Variants in KCNQ3 observed in about 807,000 individuals in gnomAD.
The protein encoded by KCNQ3 is potassium voltage-gated channel subfamily KQT member 3.
A neutral mutation model predicts 92.5 loss-of-function variants in KCNQ3; 30 were observed. The ratio of observed to expected loss-of-function variants is 0.32; its 90% CI spans 0.24 to 0.44. The LOEUF is 0.44. KCNQ3 is among the 20% of genes least tolerant of loss of function. The pLI is 1.00. For synonymous variants in KCNQ3, 450 were observed against 468.8 expected (o/e 0.96, Z 0.52); for missense variants, 913 against 1,140.3 (o/e 0.80, Z 2.87).
chr8:132,278,435 C>T (rs1393000674), intron 1 of KCNQ3, among the ~76,000 whole-genome samples: 1 of 152,334 alleles, frequency 6.6e-6, no homozygotes, highest in East Asian at 1.9e-4. Flanking sequence ...AGAGCAGCTT[C>T]CTATGGGCTA....
intron 1 of KCNQ3, among the ~76,000 whole-genome samples, chr8:132,342,323 CT>C (rs145034759): frequency 6.7e-6 from 1 of 150,060 alleles, no homozygotes; most frequent in South Asian, 2.1e-4. Flanking sequence ...TTTCTTTTTT[CT>C]TTTTTTTTAA....
chr8:132,142,998 C>T (rs1825345781), intron 9 of KCNQ3, among the ~76,000 whole-genome samples: 1 of 152,112 alleles, frequency 6.6e-6, no homozygotes, highest in Non-Finnish European at 1.5e-5. Context: ...CATTTCTTGC[C>T]TACAGTCCAG....
At chr8:132,234,644 G>A (rs888259190) in intron 1 of KCNQ3, among the ~76,000 whole-genome samples, 1 of 152,118 alleles carries the variant, frequency 6.6e-6, no homozygotes, top group African/African-American at 2.4e-5. Flanking sequence ...ACAAACACAC[G>A]AGGTAAGTAT....
intron 1 of KCNQ3, among the ~76,000 whole-genome samples, chr8:132,412,079 C>A (rs1165110343): frequency 1.3e-5 from 2 of 152,166 alleles, no homozygotes; most frequent in Non-Finnish European, 2.9e-5. Context: ...CCAGAGAGGA[C>A]TGAGAATGAA....
At chr8:132,430,706 G>A (rs546580311) in intron 1 of KCNQ3, among the ~76,000 whole-genome samples, 9 of 152,294 alleles carry the variant, frequency 5.9e-5, no homozygotes, top group South Asian at 4.1e-4. Flanking sequence ...AGTCTATTTC[G>A]GAAACAGAAA....
At chr8:132,437,098 T>A (rs1346371241) in intron 1 of KCNQ3, among the ~76,000 whole-genome samples, 1 of 151,216 alleles carries the variant, frequency 6.6e-6, no homozygotes. Context: ...GCTAACACGG[T>A]GAAACCCCGT....
At chr8:132,236,979 A>G (rs1359199547) in intron 1 of KCNQ3, among the ~76,000 whole-genome samples, 1 of 152,212 alleles carries the variant, frequency 6.6e-6, no homozygotes, top group Non-Finnish European at 1.5e-5. Flanking sequence ...AATTCTGCCA[A>G]CAACCTGAAT....
chr8:132,360,348 C>T (rs1347823667), intron 1 of KCNQ3, among the ~76,000 whole-genome samples: 1 of 152,160 alleles, frequency 6.6e-6, no homozygotes, highest in Non-Finnish European at 1.5e-5. Context: ...ATTTTGCTTC[C>T]TCGCACTTAT....
At chr8:132,260,486 A>G (rs982232384) in intron 1 of KCNQ3, among the ~76,000 whole-genome samples, 1 of 152,152 alleles carries the variant, frequency 6.6e-6, no homozygotes, top group East Asian at 1.9e-4. Context: ...AATAATAAAT[A>G]CATAGTATGC....
At chr8:132,257,095 T>A (rs1382956079) in intron 1 of KCNQ3, among the ~76,000 whole-genome samples, 1 of 152,196 alleles carries the variant, frequency 6.6e-6, no homozygotes, top group Admixed American at 6.5e-5. Context: ...ATGATAATGG[T>A]AGCACAAAGA....
chr8:132,281,004 A>G (rs1816496088), intron 1 of KCNQ3, among the ~76,000 whole-genome samples: 1 of 152,152 alleles, frequency 6.6e-6, no homozygotes, highest in African/African-American at 2.4e-5. Flanking sequence ...GAACAAAGCA[A>G]TCATCAGGGT....
At chr8:132,258,601 G>GA (rs559641248) in intron 1 of KCNQ3, among the ~76,000 whole-genome samples, 26 of 151,186 alleles carry the variant, frequency 1.7e-4, no homozygotes, top group African/African-American at 4.6e-4. Flanking sequence ...TAAGAAACTG[G>GA]AAAAAAAATA....
intron 1 of KCNQ3, among the ~76,000 whole-genome samples, chr8:132,421,386 G>T (rs1297975825): frequency 1.3e-5 from 2 of 152,160 alleles, no homozygotes; most frequent in African/African-American, 2.4e-5. Context: ...AATGGGAAAG[G>T]CTCCCTCATA....
chr8:132,333,630 G>A lies in KCNQ3; in HGVS notation c.386+146517C>T, dbSNP rs572233902. 9.9e-5 allele frequency among the ~76,000 whole-genome samples: 15 copies of A among 152,192 alleles called. 1 individual carries two copies. The South Asian group carries it at 2.5e-3, about 25-fold the overall frequency. On this transcript the variant is annotated intron_variant, in intron 1 of 14. Coordinates refer to ENST00000388996, the MANE Select transcript of KCNQ3 (RefSeq NM_004519.4). ...CTATGGATTTTGTATATTTGGGGTG[G>A]TTGCATGATACTACATATTCTCTTG...
intron 1 of KCNQ3, among the ~76,000 whole-genome samples, chr8:132,252,641 C>T (rs1815451419): frequency 6.6e-6 from 1 of 152,218 alleles, no homozygotes; most frequent in South Asian, 2.1e-4. Context: ...CTACATCCTG[C>T]TGATTGGTCC....
At chr8:132,329,404 C>T (rs141699504) in intron 1 of KCNQ3, among the ~76,000 whole-genome samples, 20 of 152,320 alleles carry the variant, frequency 1.3e-4, no homozygotes, top group African/African-American at 4.3e-4. Flanking sequence ...CCAACCAAGT[C>T]CTGGACGGAT....
At chr8:132,342,071 G>T (rs963967143) in intron 1 of KCNQ3, among the ~76,000 whole-genome samples, 1 of 151,990 alleles carries the variant, frequency 6.6e-6, no homozygotes, top group African/African-American at 2.4e-5. Context: ...ATCAATCATT[G>T]CCCTGTCCCC....
chr8:132,141,046 G>T, intron 10 of KCNQ3, 83 bp downstream of exon 10: 1 of 1,289,672 alleles, frequency 7.8e-7, no homozygotes. Flanking sequence ...GTTCTTAAGT[G>T]GGCAAAGGGA....
rs1479028900 is a variant in KCNQ3, at chr8:132,121,639, G to A, written c.*7623C>T. The stretch of plus-strand genomic sequence containing the variant: ...AATACTGAGAAAGAGAGACACAACT[G>A]TTCTGAGCTTTTGGCCTCCCACAGA... On this transcript the variant is annotated 3_prime_UTR_variant, in exon 15 of 15. Coordinates refer to ENST00000388996, the MANE Select transcript of KCNQ3 (RefSeq NM_004519.4). 6.6e-6 allele frequency: 1 copy of A among 152,168 alleles called. No homozygotes were observed. Among genetic ancestry groups the A allele is most frequent in the Non-Finnish European group, 1.5e-5 (1 of 68,042 alleles). 9.4% of individuals were successfully genotyped at this position (152,168 alleles called of 1,614,324 possible).
Sources: gnomAD v4.1 joint callset for allele counts (sites outside exome capture counted in the v4.1 genomes callset) on GRCh38, gnomAD v4.1.1 for gene constraint, MANE v1.5 for transcripts, NCBI Gene and HGNC (gene_info 2026-07-23, HGNC 2026-07-21) for gene names.